LARP4: variants seen among roughly 807,000 people sequenced by gnomAD.
LARP4 encodes the protein La ribonucleoprotein 4.
In LARP4, 29 loss-of-function variants were observed where a neutral mutation model predicts 92.9. That is an observed-to-expected ratio of 0.31 (90% CI 0.23 to 0.43). LARP4 has a LOEUF of 0.43. LARP4 is among the 20% of genes least tolerant of loss of function. The pLI is 1.00. For synonymous variants in LARP4, 279 were observed against 284.1 expected (o/e 0.98, Z 0.18); for missense variants, 732 against 860.0 (o/e 0.85, Z 1.86).
At chr12:50,414,574 A>C (rs573282829) in intron 1 of LARP4, among the ~76,000 whole-genome samples, 16 of 152,276 alleles carry the variant, frequency 1.1e-4, no homozygotes, top group Non-Finnish European at 2.2e-4. Flanking sequence ...AAGTGCTGGG[A>C]TTACAGACAT....
chr12:50,470,099 C>T (rs1169720824), intron 13 of LARP4, among the ~76,000 whole-genome samples: 1 of 151,888 alleles, frequency 6.6e-6, no homozygotes, highest in African/African-American at 2.4e-5. Context: ...TGACGTATGC[C>T]TGTAGTCCTT....
intron 1 of LARP4, among the ~76,000 whole-genome samples, chr12:50,404,141 C>T (rs1156582637): frequency 2.0e-5 from 3 of 152,044 alleles, no homozygotes; most frequent in Admixed American, 6.6e-5. Context: ...GTAGGAGAAT[C>T]GCTTGAACCT....
chr12:50,435,666 C>T (rs374256341), intron 5 of LARP4, 42 bp downstream of exon 5: 103 of 1,428,170 alleles, frequency 7.2e-5, no homozygotes, highest in Middle Eastern at 1.8e-4. Context: ...AATTTTTAAA[C>T]GTAAAATGTT....
intron 1 of LARP4, chr12:50,412,337 T>G: frequency 8.1e-6 from 5 of 615,436 alleles, no homozygotes; most frequent in Non-Finnish European, 1.0e-5. Flanking sequence ...GATGTAAAAA[T>G]TGAACCTGGA....
At chr12:50,401,558 C>G (rs1008419095) in intron 1 of LARP4, among the ~76,000 whole-genome samples, 1 of 152,190 alleles carries the variant, frequency 6.6e-6, no homozygotes, top group African/African-American at 2.4e-5. Context: ...GTCCCTAGGT[C>G]TCTGGAACGT....
chr12:50,401,351 G>T (rs1592662160), intron 1 of LARP4: 1 of 335,344 alleles, frequency 3.0e-6, no homozygotes, highest in Non-Finnish European at 5.6e-6. Context: ...GGGGGTTGGG[G>T]GGCGGAGTCT....
chr12:50,427,208 T>TTA (rs1289822067), intron 1 of LARP4, among the ~76,000 whole-genome samples: 1 of 152,190 alleles, frequency 6.6e-6, no homozygotes, highest in East Asian at 1.9e-4. Context: ...GTATCACAGC[T>TTA]TAGATGGCAA....
At chr12:50,412,167 T>A (rs1051251798) in intron 1 of LARP4, among the ~76,000 whole-genome samples, 14 of 152,218 alleles carry the variant, frequency 9.2e-5, no homozygotes, top group African/African-American at 3.4e-4. Flanking sequence ...ATTCTCTGAA[T>A]GAGTGAAGAA....
intron 11 of LARP4, among the ~76,000 whole-genome samples, chr12:50,462,339 G>A (rs7959284): frequency 0.12 from 17,791 of 152,034 alleles, 1,910 homozygotes; most frequent in African/African-American, 0.28. Context: ...AATTAGCTGG[G>A]TGTGGCAACA....
intron 1 of LARP4, among the ~76,000 whole-genome samples, chr12:50,402,196 T>G (rs1250613261): frequency 1.3e-5 from 2 of 148,246 alleles, no homozygotes; most frequent in Admixed American, 1.3e-4. Context: ...ATTTTACGGT[T>G]TTTTTTTCTC....
At chr12:50,412,202 CT>C (rs144003490) in intron 1 of LARP4, among the ~76,000 whole-genome samples, 1,980 of 152,198 alleles carry the variant, frequency 0.013, 45 homozygotes, top group African/African-American at 0.043. Context: ...TTCATTTTTA[CT>C]TTTTGTAAAA....
intron 8 of LARP4, among the ~76,000 whole-genome samples, chr12:50,449,565 C>T (rs1365162258): frequency 6.6e-6 from 1 of 152,072 alleles, no homozygotes; most frequent in East Asian, 1.9e-4. Flanking sequence ...GCCTTGCTAC[C>T]TTGGTAGCAA....
At chr12:50,453,832 CA>C (rs1267596162) in intron 9 of LARP4, among the ~76,000 whole-genome samples, 160 bp downstream of exon 9, 2 of 151,606 alleles carry the variant, frequency 1.3e-5, no homozygotes, top group Admixed American at 1.3e-4. Context: ...GGAATTTTGC[CA>C]TGTTGCCCAG....
intron 1 of LARP4, among the ~76,000 whole-genome samples, chr12:50,407,331 T>C (rs1370614601): frequency 1.3e-5 from 2 of 152,304 alleles, no homozygotes; most frequent in African/African-American, 4.8e-5. Context: ...GCCGAAGCTT[T>C]GTTTTCTTTA....
chr12:50,419,448 G>A (rs1947376536), intron 1 of LARP4, among the ~76,000 whole-genome samples: 2 of 152,124 alleles, frequency 1.3e-5, no homozygotes, highest in Non-Finnish European at 2.9e-5. Context: ...TGCAGGAGAG[G>A]TCTTTGATGA....
At chr12:50,467,147 C>T (rs980243922) in intron 13 of LARP4, 27 bp downstream of exon 13, 3 of 1,548,576 alleles carry the variant, frequency 1.9e-6, no homozygotes, top group African/African-American at 2.7e-5. Flanking sequence ...TGAGTCTTAC[C>T]TTATGAGACC....
intron 10 of LARP4, among the ~76,000 whole-genome samples, chr12:50,456,748 C>T (rs1048837028): frequency 6.6e-6 from 1 of 151,544 alleles, no homozygotes; most frequent in Non-Finnish European, 1.5e-5. Flanking sequence ...TTGTTAAGTC[C>T]CTCTCAGTGA....
intron 8 of LARP4, among the ~76,000 whole-genome samples, chr12:50,450,183 G>A (rs1192263031): frequency 3.9e-5 from 6 of 152,090 alleles, no homozygotes; most frequent in African/African-American, 1.4e-4. Flanking sequence ...GCCCGCCTCA[G>A]CCTCCCAAAG....
intron 10 of LARP4, chr12:50,455,078 C>T (rs147927712): frequency 2.0e-5 from 3 of 152,236 alleles, no homozygotes; most frequent in African/African-American, 4.8e-5. Flanking sequence ...CTCCAAAGCC[C>T]GCACTTAAAG....
Sources: allele counts gnomAD v4.1 joint callset (sites outside exome capture counted in the v4.1 genomes callset), GRCh38; gene constraint gnomAD v4.1.1; transcripts MANE v1.5; gene names NCBI Gene and HGNC (gene_info 2026-07-23, HGNC 2026-07-21).